The following ZNF490 variants were observed in gnomAD, a reference collection of about 807,000 sequenced individuals.
ZNF490 encodes zinc finger protein 490.
Under a neutral mutation model 17.7 loss-of-function variants are expected in ZNF490, and 11 were observed. The observed-to-expected ratio is 0.62, with a 90% CI of 0.39 to 1.03. The LOEUF is 1.03. Ranked by LOEUF, ZNF490 falls within the 50% of genes least tolerant of loss-of-function variation. The pLI is 0.00. For missense variants in ZNF490, 542 were observed against 643.4 expected, an observed-to-expected ratio of 0.84 and a Z score of 1.71; for synonymous variants, 222 against 216.1, an observed-to-expected ratio of 1.03 and a Z score of -0.24.
At chr19:12,610,097 T>C (rs2023127233) in intron 1 of ZNF490, 1 of 390,818 alleles carries the variant, frequency 2.6e-6, no homozygotes, top group Non-Finnish European at 4.9e-6. Flanking sequence ...ACTGAGCACG[T>C]CTCATAGATC....
chr19:12,583,789 CTCTA>C (rs1222666094), intron 2 of ZNF490, among the ~76,000 whole-genome samples: 45 of 87,878 alleles, frequency 5.1e-4, no homozygotes, highest in East Asian at 4.5e-3. Flanking sequence ...CTCTCTCTCT[CTCTA>C]TATATATATA....
intron 2 of ZNF490, among the ~76,000 whole-genome samples, chr19:12,604,697 G>A (rs1050334665): frequency 1.7e-4 from 26 of 150,940 alleles, no homozygotes; most frequent in South Asian, 1.0e-3. Flanking sequence ...GGTGGTGGGC[G>A]CCTGTAATCC....
rs572676108 is a variant in ZNF490 at position 12,577,075 on chromosome 19, T to C, written c.*3410A>G. Among the ~76,000 whole-genome samples, 4 of 152,208 alleles carry C rather than the reference T, an allele frequency of 2.6e-5. No individual in the cohort carries two copies. The East Asian group carries it at 7.7e-4, about 29-fold the overall frequency. ...CTCGGGAATAACCACCACAGTGCCT[T>C]ATATATCCTTGCTTGCTTTCGTGTC... On this transcript the variant is annotated 3_prime_UTR_variant, in exon 5 of 5. Coordinates refer to ENST00000311437, the MANE Select transcript of ZNF490 (RefSeq NM_020714.3).
At chr19:12,592,925 T>C (rs371549567) in intron 2 of ZNF490, among the ~76,000 whole-genome samples, 3 of 152,346 alleles carry the variant, frequency 2.0e-5, no homozygotes, top group African/African-American at 7.2e-5. Flanking sequence ...ATTCACACCA[T>C]GACTGGTTGA....
chr19:12,594,592 A>G (rs1000685868), intron 2 of ZNF490, among the ~76,000 whole-genome samples: 1 of 152,192 alleles, frequency 6.6e-6, no homozygotes, highest in South Asian at 2.1e-4. Context: ...TATCCGGGCA[A>G]TGATGACCAA....
chr19:12,597,298 G>A, intron 2 of ZNF490: 1 of 421,230 alleles, frequency 2.4e-6, no homozygotes, highest in Non-Finnish European at 4.9e-6. Context: ...ATGTTCACAC[G>A]CGCATTCAGA....
In ZNF490 at chr19:12,601,172, A is replaced by G. The variant is rs1191881419; in HGVS notation, c.162+7986T>C. On this transcript the variant is annotated intron_variant, in intron 2 of 4. Coordinates refer to ENST00000311437, the MANE Select transcript of ZNF490 (RefSeq NM_020714.3). ...CGGAGGCCAAGGCGGGTAGATCACG[A>G]GGTCAGGAGATCGAGACCATCCTGG... Among the ~76,000 whole-genome samples, 4 of 151,562 alleles carry G rather than the reference A, an allele frequency of 2.6e-5. No individual in the cohort carries two copies. In the East Asian group the frequency reaches 7.7e-4, roughly 29 times the overall value.
Position 12,581,090 on chromosome 19 carries a change from T to C in ZNF490, c.985A>G (p.Thr329Ala). ...CTACATACAAAAGGTTTCTCTCCAGTATGAGTTTTCTCATGACTCCGTAAG... is the reference window on the plus strand; with the variant it reads ...CTACATACAAAAGGTTTCTCTCCAGCATGAGTTTTCTCATGACTCCGTAAG... ...TYLRSHEKTH[T>A]GEKPFVCREC... Residue 329 changes from threonine to alanine, a missense_variant, in exon 5 of 5, where the codon ACT becomes GCT. Thr to Ala is a moderately conservative substitution (Grantham distance 58). Transcript: ENST00000311437. 6.2e-7 allele frequency: 1 copy of C among 1,614,162 alleles called. No individual in the cohort carries two copies. Among genetic ancestry groups the C allele is most frequent in the Non-Finnish European group, 8.5e-7 (1 of 1,180,020 alleles).
rs180697358 is a variant in ZNF490, at chr19:12,580,010, G to A, written c.*475C>T. The A allele has an allele frequency of 5.0e-4, 168 of 335,280 alleles. 1 individual carries two copies. The highest frequency in any genetic ancestry group is 3.4e-3 in the African/African-American group (152 of 44,652). 20.8% of individuals were successfully genotyped at this position (335,280 alleles called of 1,614,324 possible). ...TAATCCCAGCTTCTTGGGAGGCTGC[G>A]GCAGGAGAATTGCTTGAATCCGGGA... On this transcript the variant is annotated 3_prime_UTR_variant, in exon 5 of 5. Transcript: ENST00000311437.
Position 12,586,110 on chromosome 19 carries a change from T to G in ZNF490, c.163-2554A>C, listed in dbSNP as rs1410098574. Among the ~76,000 whole-genome samples the G allele has an allele frequency of 6.0e-4, 55 of 91,252 alleles. 14 individuals are homozygous for G. The highest frequency in any genetic ancestry group is 1.7e-3 in the African/African-American group (53 of 30,614). The allele number at this position is 91,252 out of a possible 152,430, so 59.9% of individuals were successfully genotyped here. Reference sequence around the variant, plus strand: ...TGACATCAGGAGTTTGAGACCAGCCTGGCCAACATAGCAAAACCCCATCTC... The same window carrying G: ...TGACATCAGGAGTTTGAGACCAGCCGGGCCAACATAGCAAAACCCCATCTC... On this transcript the variant is annotated intron_variant, in intron 2 of 4. Transcript: ENST00000311437.
Position 12,577,532 on chromosome 19 carries a change from TGTTCCTGGTGAGAGAAGC to T in ZNF490, c.*2935_*2952del, listed in dbSNP as rs1429106335. 40 of 654,202 alleles carry T rather than the reference TGTTCCTGGTGAGAGAAGC, an allele frequency of 6.1e-5. No homozygotes were observed. The African/African-American group carries it at 1.4e-3, about 23-fold the overall frequency. The allele number at this position is 654,202 out of a possible 1,614,324, so 40.5% of individuals were successfully genotyped here. A position where few individuals can be genotyped will look rare whatever the true frequency, so the allele number is the denominator to read the frequency against. ...AAATGTTCCTGGTGAGAGAAGCGAATGTTCCTGGTGAGAGAAGCGAAGGTGTGCATCTCCTGGCTCAGC... is the reference window on the plus strand; with the variant it reads ...AAATGTTCCTGGTGAGAGAAGCGAATGAAGGTGTGCATCTCCTGGCTCAGC... On this transcript the variant is annotated 3_prime_UTR_variant, in exon 5 of 5. Coordinates refer to ENST00000311437, the MANE Select transcript of ZNF490 (RefSeq NM_020714.3).
Position 12,580,421 on chromosome 19 carries a change from G to A in ZNF490, c.*64C>T, listed in dbSNP as rs183829213. The A allele has an allele frequency of 5.4e-5, 82 of 1,513,850 alleles. No individual in the cohort carries two copies. Among genetic ancestry groups the A allele is most frequent in the African/African-American group, 3.3e-4 (24 of 71,818 alleles). 93.8% of individuals were successfully genotyped at this position (1,513,850 alleles called of 1,614,324 possible). On this transcript the variant is annotated 3_prime_UTR_variant, in exon 5 of 5. Coordinates refer to ENST00000311437, the MANE Select transcript of ZNF490 (RefSeq NM_020714.3). ...TACATTCCTTGAATTTCTCTCCAGC[G>A]TAAGTACTCTCATACATCCAAAAGG...
chr19:12,601,836 C>CA (rs376311874), intron 2 of ZNF490, among the ~76,000 whole-genome samples: 23 of 150,404 alleles, frequency 1.5e-4, no homozygotes, highest in African/African-American at 3.2e-4. Context: ...ACTAAAAATA[C>CA]AAAAAAAATT....
chr19:12,609,325 G>T (rs997515580), intron 1 of ZNF490, 123 bp from the exon 2 acceptor site: 2 of 759,156 alleles, frequency 2.6e-6, no homozygotes, highest in Non-Finnish European at 2.2e-6. Context: ...CTACCAGAAG[G>T]GTGGATCATG....
At chr19:12,601,246 G>T (rs1345655101) in intron 2 of ZNF490, among the ~76,000 whole-genome samples, 11 of 151,924 alleles carry the variant, frequency 7.2e-5, no homozygotes, top group African/African-American at 2.7e-4. Flanking sequence ...AAATTAGCCA[G>T]GCGTGGTGGC....
At chr19:12,606,638 C>T (rs1445854192) in intron 2 of ZNF490, among the ~76,000 whole-genome samples, 2 of 151,970 alleles carry the variant, frequency 1.3e-5, no homozygotes, top group African/African-American at 4.8e-5. Context: ...AGCCACTGCA[C>T]CTGGCCAATT....
At chr19:12,605,753 C>G (rs912823263) in intron 2 of ZNF490, among the ~76,000 whole-genome samples, 4 of 152,148 alleles carry the variant, frequency 2.6e-5, no homozygotes, top group African/African-American at 9.7e-5. Flanking sequence ...ATATAGCACA[C>G]CCAGCTGGTG....
chr19:12,588,795 G>GAA (rs2022831875), intron 2 of ZNF490, among the ~76,000 whole-genome samples: 1 of 152,108 alleles, frequency 6.6e-6, no homozygotes, highest in African/African-American at 2.4e-5. Context: ...ATTGATAACA[G>GAA]AAAGATAGCT....
Position 12,610,702 on chromosome 19 carries a change from C to T in ZNF490, c.-22G>A, listed in dbSNP as rs768008734. 1.9e-6 allele frequency: 3 copies of T among 1,608,950 alleles called. No individual in the cohort carries two copies. In the Admixed American group the frequency reaches 5.0e-5, roughly 27 times the overall value. The stretch of plus-strand genomic sequence containing the variant: ...GCATCCCTGTCCCCGCATCCAGAAA[C>T]ACTGCAGGAAGACTTCCGTGTCCGA... On this transcript the variant is annotated 5_prime_UTR_variant, in exon 1 of 5. Transcript: ENST00000311437.
Sources: allele counts gnomAD v4.1 joint callset (sites outside exome capture counted in the v4.1 genomes callset), GRCh38; gene constraint gnomAD v4.1.1; transcripts MANE v1.5; gene names NCBI Gene and HGNC (gene_info 2026-07-23, HGNC 2026-07-21).